Variants in SRP54 observed in about 807,000 individuals in gnomAD.
The protein encoded by SRP54 is signal recognition particle subunit SRP54.
SRP54 carries 10 observed loss-of-function variants against 64.8 expected under a neutral mutation model. The ratio of observed to expected loss-of-function variants is 0.15; its 90% CI spans 0.10 to 0.26. The LOEUF (loss-of-function observed/expected upper bound fraction) is 0.26, where lower values mean the gene tolerates loss of function less well. Ranked by LOEUF, SRP54 falls within the 10% of genes least tolerant of loss-of-function variation. SRP54 has a pLI of 1.00. For missense variants in SRP54, 325 were observed against 613.7 expected, an observed-to-expected ratio of 0.53 and a Z score of 4.97; for synonymous variants, 193 against 185.6, an observed-to-expected ratio of 1.04 and a Z score of -0.32.
At chr14:35,022,264 TAATAGTTTACTTA>T (rs1288627519) in intron 13 of SRP54, among the ~76,000 whole-genome samples, 1 of 152,142 alleles carries the variant, frequency 6.6e-6, no homozygotes, top group African/African-American at 2.4e-5. Flanking sequence ...AACATTCTAT[TAATAGTTTACTTA>T]AACTGTAGGG....
At position 35,007,317 on chromosome 14, in the gene SRP54, C is replaced by T. The variant is rs1366664904; in HGVS notation, c.290C>T (p.Thr97Ile). The T allele has an allele frequency of 1.3e-6, 2 of 1,591,906 alleles. No individual in the cohort carries two copies. Among genetic ancestry groups the T allele is most frequent in the Non-Finnish European group, 1.7e-6 (2 of 1,165,220 alleles). ...CCTGGAGTTAAGGCATGGACACCCA[C>T]TAAAGGAAAACAAAATGTGATTATG... is the stretch of plus-strand genomic sequence containing the variant. ...VDPGVKAWTP[T>I]KGKQNVIMFV... The change falls in exon 5 of 16, where the codon ACT (threonine) becomes ATT (isoleucine). Residue 97 changes from threonine (T) to isoleucine (I), a missense_variant. Coordinates refer to ENST00000216774, the MANE Select transcript of SRP54 (RefSeq NM_003136.4).
At chr14:34,990,620 G>A (rs2043962526) in intron 1 of SRP54, among the ~76,000 whole-genome samples, 1 of 152,110 alleles carries the variant, frequency 6.6e-6, no homozygotes, top group African/African-American at 2.4e-5. Context: ...GTTTTAGTTA[G>A]GCAAGAGAAT....
chr14:34,988,578 A>AATATATATATATATATATAT (rs1555352766), intron 1 of SRP54, among the ~76,000 whole-genome samples: 2 of 47,102 alleles, frequency 4.2e-5, no homozygotes, highest in African/African-American at 1.3e-4. Flanking sequence ...AAAAAAAAAA[A>AATATATATATATATATATAT]ATATATATAT....
intron 1 of SRP54, among the ~76,000 whole-genome samples, chr14:34,992,641 G>A (rs1223983605): frequency 6.6e-6 from 1 of 152,070 alleles, no homozygotes; most frequent in Non-Finnish European, 1.5e-5. Flanking sequence ...ATTCCAAAAT[G>A]GAAGAGTTTG....
At chr14:34,991,466 A>G (rs1226464577) in intron 1 of SRP54, among the ~76,000 whole-genome samples, 1 of 149,906 alleles carries the variant, frequency 6.7e-6, no homozygotes, top group Non-Finnish European at 1.5e-5. Flanking sequence ...ATAGGTGACA[A>G]ATAATATAAA....
intron 4 of SRP54, among the ~76,000 whole-genome samples, chr14:35,002,687 A>AG (rs1566647253): frequency 6.9e-6 from 1 of 145,708 alleles, no homozygotes; most frequent in Non-Finnish European, 1.5e-5. Context: ...TGCCTGCCTT[A>AG]GCCTCCCAAA....
At chr14:35,008,722 T>C (rs550060792) in intron 6 of SRP54, 29 bp downstream of exon 6, 2 of 1,604,430 alleles carry the variant, frequency 1.2e-6, no homozygotes, top group Non-Finnish European at 8.5e-7. Flanking sequence ...AAAATTGTTT[T>C]ATATAATTTT....
intron 1 of SRP54, among the ~76,000 whole-genome samples, chr14:34,984,432 G>C (rs943157248): frequency 6.6e-6 from 1 of 152,124 alleles, no homozygotes; most frequent in Non-Finnish European, 1.5e-5. Context: ...GGCTCTCCTC[G>C]AGGCTTCTCG....
chr14:34,987,655 C>T (rs1391477293), intron 1 of SRP54, among the ~76,000 whole-genome samples: 1 of 151,906 alleles, frequency 6.6e-6, no homozygotes, highest in Non-Finnish European at 1.5e-5. Flanking sequence ...GTATTTTATT[C>T]TACATTTTAC....
chr14:35,013,628 T>C, intron 9 of SRP54, 134 bp downstream of exon 9: 2 of 1,212,472 alleles, frequency 1.6e-6, no homozygotes, highest in Non-Finnish European at 2.3e-6. Context: ...AAAGTTTAAA[T>C]AGAAACAATT....
At chr14:35,013,749 G>A in intron 9 of SRP54, 53 bp from the exon 10 acceptor site, 1 of 1,480,370 alleles carries the variant, frequency 6.8e-7, no homozygotes. Context: ...CAGATCTGCT[G>A]GAAATTTGTG....
At chr14:35,026,055 C>CA (rs564680386) in intron 14 of SRP54, among the ~76,000 whole-genome samples, 11,949 of 99,486 alleles carry the variant, frequency 0.12, 611 homozygotes, top group Middle Eastern at 0.17. Flanking sequence ...GAGCCTGTCT[C>CA]AAAAAAAAAA....
intron 7 of SRP54, among the ~76,000 whole-genome samples, chr14:35,010,833 G>A (rs1007667613): frequency 1.3e-5 from 2 of 151,900 alleles, no homozygotes; most frequent in South Asian, 2.1e-4. Flanking sequence ...CTAATAGTAG[G>A]GCGTTATTTA....
intron 7 of SRP54, among the ~76,000 whole-genome samples, chr14:35,010,314 C>T (rs8008581): frequency 1.3e-4 from 20 of 151,354 alleles, no homozygotes; most frequent in African/African-American, 4.6e-4. Flanking sequence ...GACGTGGTGG[C>T]GTGTGCCTGT....
chr14:34,988,578 A>AAAATATATATATAT (rs1384552218), intron 1 of SRP54, among the ~76,000 whole-genome samples: 1 of 47,100 alleles, frequency 2.1e-5, no homozygotes, highest in African/African-American at 6.7e-5. Context: ...AAAAAAAAAA[A>AAAATATATATATAT]ATATATATAT....
At chr14:35,028,035 C>T (rs932284018) in intron 14 of SRP54, 53 bp from the exon 15 acceptor site, 2 of 1,205,658 alleles carry the variant, frequency 1.7e-6, no homozygotes, top group Admixed American at 2.0e-5. Flanking sequence ...CCTGATTATA[C>T]TGATTATATT....
chr14:35,028,700 A>G (rs1010872246), intron 15 of SRP54, among the ~76,000 whole-genome samples: 1 of 152,246 alleles, frequency 6.6e-6, no homozygotes, highest in African/African-American at 2.4e-5. Context: ...GTCCTATGAA[A>G]TAATCCCCTA....
chr14:34,996,516 T>TAGATAAAACTGCTGAC (rs2044075391), intron 1 of SRP54, among the ~76,000 whole-genome samples, 161 bp from the exon 2 acceptor site: 1 of 152,252 alleles, frequency 6.6e-6, no homozygotes, highest in African/African-American at 2.4e-5. Flanking sequence ...GTAGCAGTTT[T>TAGATAAAACTGCTGAC]ATCTTTATGA....
chr14:34,995,644 G>A (rs2044061587), intron 1 of SRP54, among the ~76,000 whole-genome samples: 1 of 152,088 alleles, frequency 6.6e-6, no homozygotes, highest in African/African-American at 2.4e-5. Context: ...AAAACAGTAA[G>A]ATTTTAGAGC....
Sources: allele counts gnomAD v4.1 joint callset (sites outside exome capture counted in the v4.1 genomes callset), GRCh38; gene constraint gnomAD v4.1.1; transcripts MANE v1.5; gene names NCBI Gene and HGNC (gene_info 2026-07-23, HGNC 2026-07-21).